The following CCDC39 variants were observed in gnomAD, a reference collection of about 807,000 sequenced individuals.
CCDC39 encodes coiled-coil domain-containing protein 39.
Under a neutral mutation model 121.0 loss-of-function variants are expected in CCDC39, and 113 were observed. The ratio of observed to expected loss-of-function variants is 0.93; its 90% CI spans 0.80 to 1.09. The LOEUF (loss-of-function observed/expected upper bound fraction) is 1.09, where lower values mean the gene tolerates loss of function less well. CCDC39 is among the 50% of genes least tolerant of loss of function. The pLI, the probability that CCDC39 is intolerant of heterozygous loss-of-function variation, is 0.00. For synonymous variants in CCDC39, 349 were observed against 352.2 expected (o/e 0.99, Z 0.10); for missense variants, 1,063 against 1,074.7 (o/e 0.99, Z 0.15).
intron 1 of CCDC39, among the ~76,000 whole-genome samples, chr3:180,667,426 G>A (rs1002568211): frequency 7.2e-5 from 11 of 152,112 alleles, no homozygotes; most frequent in African/African-American, 2.7e-4. Flanking sequence ...TTTTCCAATA[G>A]CATGTGCTTA....
intron 14 of CCDC39, among the ~76,000 whole-genome samples, 181 bp downstream of exon 14, chr3:180,631,288 G>T (rs1717688047): frequency 6.6e-6 from 1 of 152,168 alleles, no homozygotes; most frequent in African/African-American, 2.4e-5. Flanking sequence ...CTCCATTTAG[G>T]AATGAATGTT....
intron 1 of CCDC39, among the ~76,000 whole-genome samples, chr3:180,673,022 A>C (rs752691228): frequency 1.6e-4 from 24 of 152,354 alleles, no homozygotes; most frequent in Non-Finnish European, 2.8e-4. Context: ...TAGAATCAAA[A>C]GGGGAGCCTG....
chr3:180,637,812 G>A (rs1717866960), intron 13 of CCDC39, among the ~76,000 whole-genome samples: 1 of 152,156 alleles, frequency 6.6e-6, no homozygotes, highest in South Asian at 2.1e-4. Context: ...ATTATCCTTA[G>A]CAAACTAATG....
intron 16 of CCDC39, among the ~76,000 whole-genome samples, chr3:180,618,821 G>C (rs1424591177): frequency 1.3e-5 from 2 of 151,906 alleles, no homozygotes; most frequent in Non-Finnish European, 2.9e-5. Flanking sequence ...TGGACATTTG[G>C]GTTGGTTCCA....
chr3:180,635,172 C>T (rs1394665461), intron 13 of CCDC39, among the ~76,000 whole-genome samples: 1 of 151,978 alleles, frequency 6.6e-6, no homozygotes, highest in East Asian at 1.9e-4. Flanking sequence ...CTCATGAGAA[C>T]TCACTCACTC....
At chr3:180,625,059 C>G (rs1009050365) in intron 14 of CCDC39, among the ~76,000 whole-genome samples, 2 of 152,008 alleles carry the variant, frequency 1.3e-5, no homozygotes, top group South Asian at 2.1e-4. Context: ...TGTGTCTCGG[C>G]GTCTAACTCT....
chr3:180,633,116 C>T (rs1370930492), intron 13 of CCDC39, among the ~76,000 whole-genome samples: 1 of 152,222 alleles, frequency 6.6e-6, no homozygotes, highest in Non-Finnish European at 1.5e-5. Context: ...AGCTATTACG[C>T]TCTTTACAGG....
chr3:180,637,328 A>C (rs1717853307), intron 13 of CCDC39, among the ~76,000 whole-genome samples: 1 of 152,200 alleles, frequency 6.6e-6, no homozygotes, highest in Non-Finnish European at 1.5e-5. Context: ...AAAAAAGCTC[A>C]ATAGATCTTT....
intron 3 of CCDC39, among the ~76,000 whole-genome samples, chr3:180,660,943 A>G (rs1340887499): frequency 1.3e-5 from 2 of 152,012 alleles, no homozygotes; most frequent in African/African-American, 2.4e-5. Flanking sequence ...AATAGAGGAG[A>G]GATGACTATA....
At chr3:180,654,711 T>G in intron 7 of CCDC39, 51 bp downstream of exon 7, 1 of 1,257,096 alleles carries the variant, frequency 8.0e-7, no homozygotes, top group Non-Finnish European at 1.1e-6. Context: ...TTTTATATTT[T>G]ATAGTGATTT....
At chr3:180,616,454 T>C in intron 18 of CCDC39, 62 bp downstream of exon 18, 5 of 1,498,312 alleles carry the variant, frequency 3.3e-6, no homozygotes, top group Non-Finnish European at 4.5e-6. Context: ...ATGATGAATG[T>C]CATGAAAGTT....
At chr3:180,675,485 T>C (rs1712170968) in intron 1 of CCDC39, among the ~76,000 whole-genome samples, 2 of 152,212 alleles carry the variant, frequency 1.3e-5, no homozygotes, top group African/African-American at 4.8e-5. Context: ...TCTCCTTCAG[T>C]TCTGCTCTGA....
chr3:180,661,819 T>C (rs1168599418), intron 3 of CCDC39, 42 bp downstream of exon 3: 27 of 1,516,254 alleles, frequency 1.8e-5, no homozygotes, highest in Non-Finnish European at 2.3e-5. Flanking sequence ...GATGGAAGAA[T>C]GAGCAGTAGC....
intron 2 of CCDC39, among the ~76,000 whole-genome samples, chr3:180,662,499 G>C (rs1278357444): frequency 6.6e-6 from 1 of 152,024 alleles, no homozygotes; most frequent in Non-Finnish European, 1.5e-5. Flanking sequence ...TGTAATAAAA[G>C]AGTATGTGTT....
At chr3:180,671,163 A>G (rs1712033088) in intron 1 of CCDC39, among the ~76,000 whole-genome samples, 1 of 147,264 alleles carries the variant, frequency 6.8e-6, no homozygotes, top group African/African-American at 2.5e-5. Flanking sequence ...GTGAGCCAAG[A>G]TGGTGTCACT....
chr3:180,640,920 C>A (rs958045046), intron 13 of CCDC39, among the ~76,000 whole-genome samples: 2 of 151,972 alleles, frequency 1.3e-5, no homozygotes, highest in Non-Finnish European at 2.9e-5. Context: ...ACACACAAGT[C>A]ATTTTATGAA....
chr3:180,666,592 A>G (rs1209081311), intron 1 of CCDC39, among the ~76,000 whole-genome samples: 1 of 152,160 alleles, frequency 6.6e-6, no homozygotes, highest in African/African-American at 2.4e-5. Flanking sequence ...TATTTGCTTC[A>G]TCAATTATGC....
At chr3:180,617,276 T>C in intron 16 of CCDC39, 1 of 469,428 alleles carries the variant, frequency 2.1e-6, no homozygotes, top group Admixed American at 3.8e-5. Context: ...CATATAAAAG[T>C]CTAGCACATA....
intron 1 of CCDC39, among the ~76,000 whole-genome samples, chr3:180,672,285 G>GA (rs1053859635): frequency 3.3e-5 from 5 of 152,082 alleles, no homozygotes; most frequent in Non-Finnish European, 7.4e-5. Flanking sequence ...CAGCTGCTCA[G>GA]AAAAAAAGGA....
Sources: gnomAD v4.1 joint callset for allele counts (sites outside exome capture counted in the v4.1 genomes callset) on GRCh38, gnomAD v4.1.1 for gene constraint, MANE v1.5 for transcripts, NCBI Gene and HGNC (gene_info 2026-07-23, HGNC 2026-07-21) for gene names.